The following SV2C variants were observed in gnomAD, a reference collection of about 807,000 sequenced individuals.
SV2C encodes the protein solute carrier family 22 member B3.
In SV2C, 49 loss-of-function variants were observed where a neutral mutation model predicts 79.7. That is an observed-to-expected ratio of 0.61 (90% CI 0.49 to 0.78). The LOEUF (loss-of-function observed/expected upper bound fraction) is 0.78. SV2C is among the 30% of genes least tolerant of loss of function. The pLI is 0.00. For missense variants in SV2C, 833 were observed against 912.9 expected (o/e 0.91, Z 1.13); for synonymous variants, 334 against 333.2 (o/e 1.00, Z -0.03).
chr5:75,902,628 C>G, the SV2C span, among the ~76,000 whole-genome samples: 1 of 152,198 alleles, frequency 6.6e-6, no homozygotes, highest in African/African-American at 2.4e-5. Context: ...ACTGTGAAAT[C>G]TGTTTCCATT....
chr5:75,958,497 T>A, the SV2C span, among the ~76,000 whole-genome samples: 1 of 151,984 alleles, frequency 6.6e-6, no homozygotes, highest in African/African-American at 2.4e-5. Context: ...GCGACATTGC[T>A]TCTAACAATA....
the SV2C span, among the ~76,000 whole-genome samples, chr5:76,017,804 T>C: frequency 1.3e-5 from 2 of 152,130 alleles, no homozygotes; most frequent in Non-Finnish European, 2.9e-5. Context: ...CTGTGTCTGA[T>C]TGAGGTGCCA....
At chr5:75,995,295 C>T in the SV2C span, among the ~76,000 whole-genome samples, 10 of 152,212 alleles carry the variant, frequency 6.6e-5, no homozygotes, top group Middle Eastern at 3.4e-3. Flanking sequence ...GGTGACTTCT[C>T]ATTACATTAT....
At chr5:76,294,974 G>A (rs1057448245) in intron 8 of SV2C, among the ~76,000 whole-genome samples, 3 of 152,094 alleles carry the variant, frequency 2.0e-5, no homozygotes, top group African/African-American at 7.2e-5. Flanking sequence ...TCATTCTTTA[G>A]GGGCTCTCAC....
intron 2 of SV2C, among the ~76,000 whole-genome samples, chr5:76,165,922 C>G (rs992663521): frequency 1.3e-5 from 2 of 152,084 alleles, no homozygotes; most frequent in African/African-American, 4.8e-5. Context: ...CATGCTCCAA[C>G]CCAGACCAGG....
At chr5:76,062,825 T>C in the SV2C span, among the ~76,000 whole-genome samples, 2 of 152,142 alleles carry the variant, frequency 1.3e-5, no homozygotes, top group Non-Finnish European at 2.9e-5. Context: ...GCCAACTCAT[T>C]GGGGTTGCTT....
chr5:75,885,204 A>T, the SV2C span, among the ~76,000 whole-genome samples: 1 of 152,250 alleles, frequency 6.6e-6, no homozygotes, highest in South Asian at 2.1e-4. Flanking sequence ...ATTAGAGTCC[A>T]GGGATGTCTA....
the SV2C span, among the ~76,000 whole-genome samples, chr5:75,869,790 T>C: frequency 6.6e-6 from 1 of 152,138 alleles, no homozygotes; most frequent in Non-Finnish European, 1.5e-5. Context: ...CCAGCCCAGG[T>C]TCAGGCAGCT....
the SV2C span, among the ~76,000 whole-genome samples, chr5:75,853,555 CAA>C: frequency 4.1e-4 from 12 of 29,002 alleles, no homozygotes; most frequent in South Asian, 1.5e-3. Flanking sequence ...GACTCCTTCT[CAA>C]AAAAAAAAAA....
chr5:75,888,595 A>G, the SV2C span, among the ~76,000 whole-genome samples: 15,679 of 151,940 alleles, frequency 0.1, 873 homozygotes, highest in East Asian at 0.16. Context: ...TTAGGTCTCA[A>G]CTTAACAGCT....
At chr5:76,248,185 A>G (rs934473743) in intron 4 of SV2C, among the ~76,000 whole-genome samples, 1 of 152,346 alleles carries the variant, frequency 6.6e-6, no homozygotes, top group Admixed American at 6.5e-5. Context: ...ACACATGTTC[A>G]TAGGCAGCTA....
At chr5:76,139,939 G>A (rs868625029) in intron 2 of SV2C, among the ~76,000 whole-genome samples, 1 of 63,132 alleles carries the variant, frequency 1.6e-5, no homozygotes, top group East Asian at 2.2e-4. Context: ...GCGCAATCTC[G>A]GCTCACTGCA....
At chr5:76,185,391 G>A (rs1182938766) in intron 2 of SV2C, among the ~76,000 whole-genome samples, 2 of 152,228 alleles carry the variant, frequency 1.3e-5, no homozygotes, top group African/African-American at 4.8e-5. Flanking sequence ...CTGTGTGGGG[G>A]CTTGTATCCC....
At chr5:75,913,598 A>C in the SV2C span, among the ~76,000 whole-genome samples, 1 of 152,208 alleles carries the variant, frequency 6.6e-6, no homozygotes, top group African/African-American at 2.4e-5. Flanking sequence ...TAAGATGACA[A>C]GACTAATTCC....
chr5:76,285,156 T>C lies in SV2C; in HGVS notation c.914-6T>C. 1 of 1,613,970 alleles carries C rather than the reference T, an allele frequency of 6.2e-7. No homozygotes were observed. Among genetic ancestry groups the C allele is most frequent in the Non-Finnish European group, 8.5e-7 (1 of 1,179,886 alleles). On this transcript the variant is annotated splice_region_variant and splice_polypyrimidine_tract_variant and intron_variant, in intron 4 of 12. Transcript: ENST00000502798. Reference sequence around the variant, plus strand: ...CTCCCTCACTCTCCGTGTCCTCCTTTTCCAGGGTGGAGCTTCAGCATGGGA... The same window carrying C: ...CTCCCTCACTCTCCGTGTCCTCCTTCTCCAGGGTGGAGCTTCAGCATGGGA...
At chr5:76,073,501 G>GTATATA in the SV2C span, among the ~76,000 whole-genome samples, 23 of 87,234 alleles carry the variant, frequency 2.6e-4, no homozygotes, top group African/African-American at 3.7e-4. Context: ...ATGTATGTGT[G>GTATATA]TGTATATATA....
chr5:76,004,101 C>G, the SV2C span, among the ~76,000 whole-genome samples: 1 of 152,092 alleles, frequency 6.6e-6, no homozygotes, highest in Non-Finnish European at 1.5e-5. Context: ...AATCCCTATT[C>G]CTTCTTCCAT....
intron 10 of SV2C, among the ~76,000 whole-genome samples, chr5:76,299,934 T>C (rs1412429145): frequency 6.6e-6 from 1 of 152,210 alleles, no homozygotes; most frequent in Non-Finnish European, 1.5e-5. Flanking sequence ...GACCTTCAGA[T>C]GAGGCTGACT....
the SV2C span, among the ~76,000 whole-genome samples, chr5:75,856,093 T>A: frequency 6.6e-6 from 1 of 152,214 alleles, no homozygotes; most frequent in Non-Finnish European, 1.5e-5. Flanking sequence ...GATCTCCAGT[T>A]CCATCCATGT....
Sources: gnomAD v4.1 joint callset for allele counts (sites outside exome capture counted in the v4.1 genomes callset) on GRCh38, gnomAD v4.1.1 for gene constraint, MANE v1.5 for transcripts, NCBI Gene and HGNC (gene_info 2026-07-23, HGNC 2026-07-21) for gene names.